TOX: variants seen among roughly 807,000 people sequenced by gnomAD.
TOX encodes thymocyte selection-associated high mobility group box protein TOX.
Under a neutral mutation model 53.7 loss-of-function variants are expected in TOX, and 11 were observed. The observed-to-expected ratio is 0.20, with a 90% CI of 0.13 to 0.34. The LOEUF is 0.34. TOX is among the 10% of genes least tolerant of loss of function. TOX has a pLI of 1.00. For synonymous variants in TOX, 225 were observed against 245.3 expected (o/e 0.92, Z 0.77); for missense variants, 570 against 664.6 (o/e 0.86, Z 1.56).
At chr8:59,036,848 T>G (rs747707302) in intron 1 of TOX, among the ~76,000 whole-genome samples, 2 of 152,202 alleles carry the variant, frequency 1.3e-5, no homozygotes, top group Non-Finnish European at 2.9e-5. Context: ...TTGCAGATAA[T>G]AAGATAGAAA....
intron 1 of TOX, among the ~76,000 whole-genome samples, chr8:58,976,215 G>C (rs77515959): frequency 6.6e-6 from 1 of 152,174 alleles, no homozygotes; most frequent in African/African-American, 2.4e-5. Flanking sequence ...TCCTACTGCT[G>C]CTCTATCAAC....
At chr8:58,821,506 A>G (rs910324919) in intron 6 of TOX, among the ~76,000 whole-genome samples, 3 of 152,136 alleles carry the variant, frequency 2.0e-5, no homozygotes, top group African/African-American at 7.2e-5. Flanking sequence ...ACAATCCAGT[A>G]TTGTTGACTC....
chr8:58,815,269 TC>T (rs374209043), intron 7 of TOX, 68 bp downstream of exon 7: 1 of 1,510,670 alleles, frequency 6.6e-7, no homozygotes. Flanking sequence ...GATAAACAGC[TC>T]CCCCCACCTC....
At chr8:58,949,033 C>T (rs1812574178) in intron 2 of TOX, among the ~76,000 whole-genome samples, 1 of 152,058 alleles carries the variant, frequency 6.6e-6, no homozygotes, top group Admixed American at 6.6e-5. Context: ...TCAGCTCATC[C>T]CTTAGTAGAT....
At chr8:58,860,769 T>C (rs1416368714) in intron 3 of TOX, among the ~76,000 whole-genome samples, 1 of 152,198 alleles carries the variant, frequency 6.6e-6, no homozygotes, top group Non-Finnish European at 1.5e-5. Flanking sequence ...GTTGAACTTA[T>C]AACCTGGGTT....
At chr8:59,108,759 G>T (rs1804959829) in intron 1 of TOX, among the ~76,000 whole-genome samples, 1 of 151,940 alleles carries the variant, frequency 6.6e-6, no homozygotes, top group Non-Finnish European at 1.5e-5. Flanking sequence ...ATGAGATCTT[G>T]TTCACTTAAC....
chr8:58,946,164 G>A (rs1812519876), intron 2 of TOX, among the ~76,000 whole-genome samples: 2 of 152,034 alleles, frequency 1.3e-5, no homozygotes, highest in African/African-American at 4.8e-5. Context: ...GAAACTTAAG[G>A]ATAGAAGAAT....
At chr8:58,867,173 C>A (rs1289540832) in intron 3 of TOX, among the ~76,000 whole-genome samples, 1 of 152,164 alleles carries the variant, frequency 6.6e-6, no homozygotes, top group Non-Finnish European at 1.5e-5. Flanking sequence ...ACACTCTTGG[C>A]AAAGACAGAA....
chr8:59,031,311 A>G (rs1362040980), intron 1 of TOX, among the ~76,000 whole-genome samples: 1 of 152,202 alleles, frequency 6.6e-6, no homozygotes, highest in Non-Finnish European at 1.5e-5. Context: ...CTAGGACAAG[A>G]TGTACAAGTT....
At chr8:58,976,757 G>T (rs1444046618) in intron 1 of TOX, among the ~76,000 whole-genome samples, 2 of 152,184 alleles carry the variant, frequency 1.3e-5, no homozygotes, top group Non-Finnish European at 2.9e-5. Flanking sequence ...TAACAGGCAC[G>T]AAAACAACAT....
At chr8:58,932,433 G>A (rs1016979113) in intron 3 of TOX, among the ~76,000 whole-genome samples, 2 of 152,028 alleles carry the variant, frequency 1.3e-5, no homozygotes, top group Non-Finnish European at 2.9e-5. Context: ...AACAAGCTGC[G>A]GTGACATCCA....
chr8:59,046,858 CAAAAAAAAAAAAAAAAA>C (rs34869193), intron 1 of TOX, among the ~76,000 whole-genome samples: 1 of 77,910 alleles, frequency 1.3e-5, no homozygotes, highest in Non-Finnish European at 2.3e-5. Flanking sequence ...GACTATGTCT[CAAAAAAAAAAAAAAAAA>C]AAAAAAAAGA....
At chr8:59,047,463 G>A (rs923123885) in intron 1 of TOX, among the ~76,000 whole-genome samples, 3 of 151,446 alleles carry the variant, frequency 2.0e-5, no homozygotes, top group East Asian at 1.9e-4. Context: ...TCCTGACCTC[G>A]TGATCCGCCC....
chr8:58,814,030 C>T (rs962263741), intron 7 of TOX, among the ~76,000 whole-genome samples: 10 of 152,126 alleles, frequency 6.6e-5, no homozygotes, highest in Non-Finnish European at 1.5e-4. Context: ...GTGTCTTCCT[C>T]TAAATGAAGA....
intron 3 of TOX, among the ~76,000 whole-genome samples, chr8:58,904,042 G>A (rs944055154): frequency 4.6e-5 from 7 of 152,120 alleles, no homozygotes; most frequent in Non-Finnish European, 1.0e-4. Context: ...AATTAAGAAA[G>A]ATTAGATGTT....
rs1003840879 is a variant in TOX at position 58,959,106 on chromosome 8, GA to G, written c.168+836del. On this transcript the variant is annotated intron_variant, in intron 2 of 8. Transcript: ENST00000361421. The stretch of plus-strand genomic sequence containing the variant: ...ATCTACCATGGTTTTTACCATTCTA[GA>G]AAAAACAAGTTTGTGTCAACAAAAT... Among the ~76,000 whole-genome samples, 14 of 152,108 alleles carry G rather than the reference GA, an allele frequency of 9.2e-5. 1 individual carries two copies. The highest frequency in any genetic ancestry group is 4.4e-5 in the Non-Finnish European group (3 of 68,022).
At chr8:58,969,738 A>G (rs1462085113) in intron 1 of TOX, among the ~76,000 whole-genome samples, 4 of 151,992 alleles carry the variant, frequency 2.6e-5, no homozygotes, top group African/African-American at 9.7e-5. Flanking sequence ...TTGATTTTTT[A>G]TAGCATTTTT....
chr8:58,855,328 C>G (rs1295171948), intron 3 of TOX, among the ~76,000 whole-genome samples: 1 of 152,214 alleles, frequency 6.6e-6, no homozygotes, highest in Non-Finnish European at 1.5e-5. Flanking sequence ...TGAGACATTA[C>G]TACTTGGACA....
chr8:58,923,646 T>TAA, intron 3 of TOX, among the ~76,000 whole-genome samples: 1 of 152,336 alleles, frequency 6.6e-6, no homozygotes, highest in East Asian at 1.9e-4. Context: ...AGAGTGATGC[T>TAA]TTAAACTGTT....
Sources: allele counts gnomAD v4.1 joint callset (sites outside exome capture counted in the v4.1 genomes callset), GRCh38; gene constraint gnomAD v4.1.1; transcripts MANE v1.5; gene names NCBI Gene and HGNC (gene_info 2026-07-23, HGNC 2026-07-21).